Variants in P2RY2 observed in about 807,000 individuals in gnomAD.
P2RY2 encodes the protein purinergic receptor P2Y2.
For missense variants in P2RY2, 567 were observed against 515.7 expected, an observed-to-expected ratio of 1.10 and a Z score of -0.96; for synonymous variants, 241 against 231.9, an observed-to-expected ratio of 1.04 and a Z score of -0.35.
intron 1 of P2RY2, among the ~76,000 whole-genome samples, chr11:73,226,432 C>A (rs541613877): frequency 6.6e-6 from 1 of 152,232 alleles, no homozygotes; most frequent in African/African-American, 2.4e-5. Flanking sequence ...GCCCACCGGC[C>A]TTGTCAATCT....
rs1436608425 is a variant in P2RY2, at chr11:73,234,771, C to T, written c.612C>T (p.Gly204=). ...RFVAYSSVML[G]LLFAVPFAVI... ...TGGCCTACAGCTCAGTCATGCTGGG[C>T]CTGCTCTTCGCGGTGCCCTTTGCCG... The change falls in exon 3 of 3, where the codon GGC becomes GGT. Residue 204 remains glycine (G), a synonymous_variant. Coordinates refer to ENST00000393597, the MANE Select transcript of P2RY2 (RefSeq NM_002564.4). The T allele has an allele frequency of 2.5e-6, 4 of 1,611,518 alleles. No individual in the cohort carries two copies. Among genetic ancestry groups the T allele is most frequent in the Non-Finnish European group, 2.5e-6 (3 of 1,179,960 alleles).
chr11:73,233,933 C>T (rs968971360), intron 2 of P2RY2: 4 of 575,946 alleles, frequency 6.9e-6, no homozygotes, highest in Non-Finnish European at 1.2e-5. Flanking sequence ...CTGGATCTGG[C>T]CTTTGGACTA....
intron 1 of P2RY2, among the ~76,000 whole-genome samples, chr11:73,227,243 G>T (rs1219634883): frequency 6.6e-6 from 1 of 152,146 alleles, no homozygotes; most frequent in African/African-American, 2.4e-5. Context: ...CCATGTCCCT[G>T]CAAAGGGCAG....
chr11:73,234,244 G>C lies in P2RY2; in HGVS notation c.85G>C (p.Glu29Gln). The C allele has an allele frequency of 6.2e-7, 1 of 1,614,174 alleles. No homozygotes were observed. The highest frequency in any genetic ancestry group is 8.5e-7 in the Non-Finnish European group (1 of 1,180,036). Residue 29 changes from glutamate to glutamine, a missense_variant, in exon 3 of 3, where the codon GAG becomes CAG. Physicochemically the swap from Glu to Gln is conservative, Grantham distance 29 (BLOSUM62 2). Coordinates refer to ENST00000393597, the MANE Select transcript of P2RY2 (RefSeq NM_002564.4). ...GCTGGGCTACAGGTGCCGCTTCAACGAGGACTTCAAGTACGTGCTGCTGCC... is the reference window on the plus strand; with the variant it reads ...GCTGGGCTACAGGTGCCGCTTCAACCAGGACTTCAAGTACGTGCTGCTGCC... ...DELGYRCRFN[E>Q]DFKYVLLPVS...
At chr11:73,220,938 A>G (rs947850) in intron 1 of P2RY2, among the ~76,000 whole-genome samples, 2 of 151,998 alleles carry the variant, frequency 1.3e-5, no homozygotes, top group African/African-American at 4.8e-5. Context: ...TAATGGCTAT[A>G]GTCTTTAGAG....
In P2RY2 at chr11:73,237,199, C is replaced by A; in HGVS notation, c.*1906C>A. ...AGAATAGTGTGAGCTATTCACCTCT[C>A]ACCTTCTAGGTTCTATACTTCTGTT... On this transcript the variant is annotated 3_prime_UTR_variant, in exon 3 of 3. Transcript: ENST00000393597. 1 of 763,794 alleles carries A rather than the reference C, an allele frequency of 1.3e-6. No homozygotes were observed. Among genetic ancestry groups the A allele is most frequent in the Non-Finnish European group, 1.6e-6 (1 of 627,474 alleles). The allele number at this position is 763,794 out of a possible 1,614,324, so 47.3% of individuals were successfully genotyped here. A position where few individuals can be genotyped will look rare whatever the true frequency, so the allele number is the denominator to read the frequency against.
intron 1 of P2RY2, among the ~76,000 whole-genome samples, chr11:73,222,635 C>T (rs1862153632): frequency 6.6e-6 from 1 of 152,160 alleles, no homozygotes; most frequent in Non-Finnish European, 1.5e-5. Context: ...GCAGGTCACA[C>T]TTTCATCCAC....
rs1433931776 is a variant in P2RY2 at position 73,234,640 on chromosome 11, G to C, written c.481G>C (p.Val161Leu). The change falls in exon 3 of 3, where the codon GTG becomes CTG. Residue 161 changes from valine to leucine, a missense_variant. Transcript: ENST00000393597. ...GGTGGCCGGGGCCGTGTGGGTGTTG[G>C]TGCTGGCCTGCCAGGCCCCCGTGCT... ...RRVAGAVWVL[V>L]LACQAPVLYF... is the part of the protein sequence containing the mutation. The C allele has an allele frequency of 1.2e-5, 19 of 1,576,478 alleles. No individual in the cohort carries two copies. The highest frequency in any genetic ancestry group is 1.4e-5 in the Non-Finnish European group (16 of 1,160,354).
chr11:73,231,837 G>A (rs1181184360), intron 2 of P2RY2, among the ~76,000 whole-genome samples: 1 of 152,078 alleles, frequency 6.6e-6, no homozygotes, highest in African/African-American at 2.4e-5. Flanking sequence ...ATCACTTGAG[G>A]TCAGGAGTTC....
chr11:73,234,655 G>A lies in P2RY2; in HGVS notation c.496G>A (p.Ala166Thr). The stretch of plus-strand genomic sequence containing the variant: ...GTGGGTGTTGGTGCTGGCCTGCCAG[G>A]CCCCCGTGCTCTACTTTGTCACCAC... ...AVWVLVLACQ[A>T]PVLYFVTTSA... Residue 166 changes from alanine (A) to threonine (T), a missense_variant, in exon 3 of 3, where the codon GCC becomes ACC. Ala to Thr is a moderately conservative substitution (Grantham distance 58). Transcript: ENST00000393597. 6.3e-7 allele frequency: 1 copy of A among 1,581,442 alleles called. No individual in the cohort carries two copies. Among genetic ancestry groups the A allele is most frequent in the Middle Eastern group, 1.7e-4 (1 of 5,900 alleles).
At chr11:73,229,294 G>GA (rs567746979) in intron 2 of P2RY2, among the ~76,000 whole-genome samples, 99 of 152,300 alleles carry the variant, frequency 6.5e-4, no homozygotes, top group African/African-American at 2.3e-3. Context: ...CATGAACACA[G>GA]GCAGGGGAGC....
chr11:73,223,664 A>T (rs1447665657), intron 1 of P2RY2, among the ~76,000 whole-genome samples: 1 of 152,140 alleles, frequency 6.6e-6, no homozygotes, highest in Non-Finnish European at 1.5e-5. Flanking sequence ...GCCTGAACTC[A>T]CGGTTCTTGC....
rs1460704599 is a variant in P2RY2 at position 73,234,973 on chromosome 11, C to G, written c.814C>G (p.Arg272Gly). ...CACCCGCACCCTCTACTACTCCTTC[C>G]GCTCGCTGGACCTCAGCTGCCACAC... ...HVTRTLYYSF[R>G]SLDLSCHTLN... The change falls in exon 3 of 3, where the codon CGC (arginine) becomes GGC (glycine). Residue 272 changes from arginine (R) to glycine (G), a missense_variant. Physicochemically the swap from Arg to Gly is moderately radical, Grantham distance 125 (BLOSUM62 -2). Coordinates refer to ENST00000393597, the MANE Select transcript of P2RY2 (RefSeq NM_002564.4). The G allele has an allele frequency of 6.2e-7, 1 of 1,610,622 alleles. No individual in the cohort carries two copies. Among genetic ancestry groups the G allele is most frequent in the Admixed American group, 1.7e-5 (1 of 60,032 alleles).
chr11:73,220,353 G>A lies in P2RY2; in HGVS notation c.-200+1921G>A, dbSNP rs533218583. On this transcript the variant is annotated intron_variant, in intron 1 of 2. Coordinates refer to ENST00000393597, the MANE Select transcript of P2RY2 (RefSeq NM_002564.4). ...TGGTCAGAGCGGCATTTCAGAAAGC[G>A]CTCTCTGGCTGCAGGATGGAGAATG... Among the ~76,000 whole-genome samples, 6 of 152,328 alleles carry A rather than the reference G, an allele frequency of 3.9e-5. No individual in the cohort carries two copies. In the South Asian group the frequency reaches 8.3e-4, roughly 21 times the overall value.
intron 2 of P2RY2, among the ~76,000 whole-genome samples, chr11:73,233,081 T>C (rs1387173472): frequency 6.6e-6 from 1 of 152,082 alleles, no homozygotes; most frequent in African/African-American, 2.4e-5. Context: ...ACTGACGATA[T>C]GCAGAGAGAA....
chr11:73,234,514 T>G lies in P2RY2; in HGVS notation c.355T>G (p.Cys119Gly). The change falls in exon 3 of 3, where the codon TGC becomes GGC. Residue 119 changes from cysteine to glycine, a missense_variant. Coordinates refer to ENST00000393597, the MANE Select transcript of P2RY2 (RefSeq NM_002564.4). Reference sequence around the variant, plus strand: ...CTTCCTCTTCTACACCAACCTTTACTGCAGCATCCTCTTCCTCACCTGCAT... The same window carrying G: ...CTTCCTCTTCTACACCAACCTTTACGGCAGCATCCTCTTCCTCACCTGCAT... ...VRFLFYTNLY[C>G]SILFLTCISV... 4 of 1,612,476 alleles carry G rather than the reference T, an allele frequency of 2.5e-6. No individual in the cohort carries two copies. Among genetic ancestry groups the G allele is most frequent in the Non-Finnish European group, 3.4e-6 (4 of 1,178,902 alleles).
At chr11:73,224,962 G>A (rs1862235169) in intron 1 of P2RY2, among the ~76,000 whole-genome samples, 1 of 152,212 alleles carries the variant, frequency 6.6e-6, no homozygotes, top group Non-Finnish European at 1.5e-5. Flanking sequence ...GGAGTTAAGA[G>A]ACTTGTCTTA....
chr11:73,226,738 C>G (rs1002051894), intron 1 of P2RY2, among the ~76,000 whole-genome samples: 1 of 152,102 alleles, frequency 6.6e-6, no homozygotes, highest in African/African-American at 2.4e-5. Context: ...CAGAAGGTCC[C>G]CTCCACCAGG....
chr11:73,222,985 G>GCTGGGACTTTGTGGTTC (rs553515862), intron 1 of P2RY2, among the ~76,000 whole-genome samples: 13 of 152,336 alleles, frequency 8.5e-5, no homozygotes, highest in African/African-American at 3.1e-4. Flanking sequence ...GCAAGTGTTT[G>GCTGGGACTTTGTGGTTC]CTGGGACTTT....
Sources: gnomAD v4.1 joint callset for allele counts (sites outside exome capture counted in the v4.1 genomes callset) on GRCh38, gnomAD v4.1.1 for gene constraint, MANE v1.5 for transcripts, NCBI Gene and HGNC (gene_info 2026-07-23, HGNC 2026-07-21) for gene names.